LAMA1: variants seen among roughly 807,000 people sequenced by gnomAD.
The protein encoded by LAMA1 is laminin subunit alpha-1.
In LAMA1, 219 loss-of-function variants were observed where a neutral mutation model predicts 348.7. The ratio of observed to expected loss-of-function variants is 0.63; its 90% CI spans 0.56 to 0.70. LAMA1 has a LOEUF of 0.70. Among genes scored for constraint, LAMA1 ranks in the 30% least tolerant of loss-of-function variants. The pLI is 0.00. For synonymous variants in LAMA1, 1,487 were observed against 1,491.0 expected (o/e 1.00, Z 0.06); for missense variants, 3,744 against 3,888.0 (o/e 0.96, Z 0.99).
chr18:7,018,919 T>G (rs1056538280), intron 19 of LAMA1, among the ~76,000 whole-genome samples: 1 of 152,072 alleles, frequency 6.6e-6, no homozygotes, highest in African/African-American at 2.4e-5. Context: ...AGGCTGGCCG[T>G]CTGTTTTCCT....
At chr18:7,005,887 A>G (rs1041710703) in intron 29 of LAMA1, among the ~76,000 whole-genome samples, 10 of 152,168 alleles carry the variant, frequency 6.6e-5, no homozygotes, top group Non-Finnish European at 1.2e-4. Flanking sequence ...TGTCAAAAAG[A>G]GGGAAAACCA....
chr18:6,986,647 T>C (rs1167051542), intron 36 of LAMA1, among the ~76,000 whole-genome samples: 1 of 152,158 alleles, frequency 6.6e-6, no homozygotes, highest in Non-Finnish European at 1.5e-5. Context: ...TGTTCCATGT[T>C]CCCATATAGT....
In LAMA1 at chr18:6,982,703, G is replaced by A. The variant is rs1281493434; in HGVS notation, c.5797-113C>T. 3.4e-6 allele frequency: 3 copies of A among 884,974 alleles called. No homozygotes were observed. The East Asian group carries it at 7.3e-5, about 21-fold the overall frequency. The allele number at this position is 884,974 out of a possible 1,614,324, so 54.8% of individuals were successfully genotyped here. ...CCCCAGACACATTCCCAGCAAGAAA[G>A]TCAGCCAGGTACCAGGTAGGGACAA... On this transcript the variant is annotated intron_variant, in intron 40 of 62. Coordinates refer to ENST00000389658, the MANE Select transcript of LAMA1 (RefSeq NM_005559.4).
chr18:7,013,948 C>T lies in LAMA1; in HGVS notation c.3230G>A (p.Cys1077Tyr). ...SKFGGRACDQCSLGYRDFPDC... is the reference protein window; with the variant it reads ...SKFGGRACDQYSLGYRDFPDC... ...GGGAAAGTCTCTGTAACCCAAGGAA[C>T]ACTGATCGCAGGCCCGGCCACCAAA... Residue 1077 changes from cysteine to tyrosine, a missense_variant, in exon 23 of 63, where the codon TGT becomes TAT. Physicochemically the swap from Cys to Tyr is radical, Grantham distance 194 (BLOSUM62 -2). Transcript: ENST00000389658. The T allele has an allele frequency of 6.2e-7, 1 of 1,613,972 alleles. No individual in the cohort carries two copies. The highest frequency in any genetic ancestry group is 2.2e-5 in the East Asian group (1 of 44,868).
chr18:7,029,092 C>T (rs960331320), intron 16 of LAMA1, among the ~76,000 whole-genome samples: 1 of 152,214 alleles, frequency 6.6e-6, no homozygotes, highest in African/African-American at 2.4e-5. Context: ...ATTTGTATTA[C>T]ATCCATTTTA....
chr18:7,054,376 A>C (rs1266410066), intron 3 of LAMA1, among the ~76,000 whole-genome samples: 1 of 149,022 alleles, frequency 6.7e-6, no homozygotes, highest in Non-Finnish European at 1.5e-5. Context: ...GAACGTAGTG[A>C]AAATATCACA....
intron 56 of LAMA1, 131 bp from the exon 57 acceptor site, chr18:6,955,596 G>T (rs1380634129): frequency 2.8e-6 from 2 of 716,084 alleles, no homozygotes; most frequent in Admixed American, 4.0e-5. Context: ...AGTGCCTGTT[G>T]GCGCTCACTC....
rs1410478670 is a variant in LAMA1, at chr18:7,050,687, T to C, written c.588+7A>G. The stretch of plus-strand genomic sequence containing the variant: ...ACAGATCTTGCTGCAGCGGGCACCA[T>C]ACCTACCTCTCCATGCTCAAGTGGC... On this transcript the variant is annotated splice_region_variant and intron_variant, in intron 4 of 62. Transcript: ENST00000389658. The C allele has an allele frequency of 1.9e-6, 3 of 1,613,394 alleles. No homozygotes were observed. Among genetic ancestry groups the C allele is most frequent in the South Asian group, 1.1e-5 (1 of 91,050 alleles).
chr18:7,051,070 C>T (rs2058060837), intron 3 of LAMA1, 134 bp from the exon 4 acceptor site: 2 of 1,203,354 alleles, frequency 1.7e-6, no homozygotes, highest in African/African-American at 1.5e-5. Context: ...AGAATGGTGG[C>T]TGCCATGAGG....
intron 1 of LAMA1, among the ~76,000 whole-genome samples, chr18:7,089,509 G>T (rs776788191): frequency 1.3e-5 from 2 of 152,344 alleles, no homozygotes; most frequent in Non-Finnish European, 2.9e-5. Flanking sequence ...CAGCCAGGAG[G>T]CCCATGACCT....
chr18:7,037,657 C>T lies in LAMA1; in HGVS notation c.1658G>A (p.Ser553Asn). Residue 553 changes from serine (S) to asparagine (N), a missense_variant, in exon 12 of 63, where the codon AGC becomes AAC. Physicochemically the swap from Ser to Asn is conservative, Grantham distance 46. This residue lies in a region of LAMA1 where 1,529 missense variants were observed against 1,689.4 expected (regional missense o/e 0.91). Coordinates refer to ENST00000389658, the MANE Select transcript of LAMA1 (RefSeq NM_005559.4). Reference protein sequence around the residue: ...QDALGGRHQVSINNTAVMQRL... With the variant: ...QDALGGRHQVNINNTAVMQRL... ...CTGCATGACCGCGGTGTTGTTGATG[C>T]TGACCTGATGGCGCCCGCCTAGTGC... is the stretch of plus-strand genomic sequence containing the variant. 6.2e-7 allele frequency: 1 copy of T among 1,614,212 alleles called. No homozygotes were observed. Among genetic ancestry groups the T allele is most frequent in the Non-Finnish European group, 8.5e-7 (1 of 1,180,046 alleles).
Position 7,002,369 on chromosome 18 carries a change from G to A in LAMA1, c.4277C>T (p.Thr1426Ile), listed in dbSNP as rs760684459. Residue 1426 changes from threonine (T) to isoleucine (I), a missense_variant, in exon 30 of 63, where the codon ACA becomes ATA. Physicochemically the swap from Thr to Ile is moderately conservative, Grantham distance 89. This residue lies in a region of LAMA1 where 1,983 missense variants were observed against 1,934.3 expected (regional missense o/e 1.03). Coordinates refer to ENST00000389658, the MANE Select transcript of LAMA1 (RefSeq NM_005559.4). ...TGKCLNCGDN[T>I]AGDHCDVCTS... ...ACACACATCACAATGGTCACCTGCT[G>A]TGTTATCGCCACAGTTCTGGGAGCC... 9 of 1,613,696 alleles carry A rather than the reference G, an allele frequency of 5.6e-6. No individual in the cohort carries two copies. Among genetic ancestry groups the A allele is most frequent in the Non-Finnish European group, 7.6e-6 (9 of 1,180,030 alleles).
Position 7,011,296 on chromosome 18 carries a change from T to G in LAMA1, c.3687+4A>C, listed in dbSNP as rs7226848. 1.0e-4 allele frequency: 165 copies of G among 1,610,298 alleles called. 2 individuals carry two copies. The African/African-American group carries it at 1.4e-3, about 14-fold the overall frequency. ...ACTGGCTCTCGGCTGGGCGTGCACC[T>G]CACCTGGTCTCCTTGGAACTGCTGC... On this transcript the variant is annotated splice_donor_region_variant and intron_variant, in intron 25 of 62. Transcript: ENST00000389658.
intron 10 of LAMA1, 132 bp from the exon 11 acceptor site, chr18:7,039,082 C>A: frequency 2.6e-6 from 2 of 779,456 alleles, no homozygotes; most frequent in East Asian, 2.4e-5. Context: ...AAAGGTGAGG[C>A]CTCATAAAGT....
intron 27 of LAMA1, 152 bp downstream of exon 27, chr18:7,009,087 A>G: frequency 9.6e-6 from 8 of 833,988 alleles, no homozygotes; most frequent in East Asian, 2.6e-5. Context: ...CGCACATTCC[A>G]TAATGATATT....
intron 13 of LAMA1, among the ~76,000 whole-genome samples, chr18:7,035,100 G>T (rs1438462131): frequency 6.6e-6 from 1 of 152,176 alleles, no homozygotes; most frequent in African/African-American, 2.4e-5. Context: ...TCTGCAATTG[G>T]TCAGGCTGGA....
chr18:7,051,027 A>G, intron 3 of LAMA1, 91 bp from the exon 4 acceptor site: 1 of 1,507,780 alleles, frequency 6.6e-7, no homozygotes, highest in Non-Finnish European at 9.1e-7. Flanking sequence ...TTAAAGGTAG[A>G]ATCTAAGATA....
At chr18:7,078,448 G>T (rs1024643474) in intron 3 of LAMA1, among the ~76,000 whole-genome samples, 2 of 151,894 alleles carry the variant, frequency 1.3e-5, no homozygotes, top group African/African-American at 2.4e-5. Context: ...TTACAGGCGT[G>T]AGCCACCGCA....
At chr18:7,054,158 T>A (rs1189396906) in intron 3 of LAMA1, among the ~76,000 whole-genome samples, 2 of 152,176 alleles carry the variant, frequency 1.3e-5, no homozygotes, top group Non-Finnish European at 2.9e-5. Flanking sequence ...TCCACTTTCA[T>A]GTAACTGTCC....
Sources: gnomAD v4.1 joint callset for allele counts (sites outside exome capture counted in the v4.1 genomes callset) on GRCh38, gnomAD v4.1.1 for gene constraint, gnomAD v4.1.1 regional missense constraint, MANE v1.5 for transcripts, NCBI Gene and HGNC (gene_info 2026-07-23, HGNC 2026-07-21) for gene names.